Variants in ATAD5 observed in about 807,000 individuals in gnomAD.
ATAD5 encodes ATPase family AAA domain-containing protein 5.
A neutral mutation model predicts 176.9 loss-of-function variants in ATAD5; 58 were observed. The observed-to-expected ratio is 0.33, with a 90% confidence interval of 0.27 to 0.41. The LOEUF is 0.41. Ranked by LOEUF, ATAD5 falls within the 10% of genes least tolerant of loss-of-function variation. The pLI, the probability that ATAD5 is intolerant of heterozygous loss-of-function variation, is 1.00. For missense variants in ATAD5, 1,789 were observed against 2,094.1 expected, an observed-to-expected ratio of 0.85 and a Z score of 2.84; for synonymous variants, 640 against 712.6, an observed-to-expected ratio of 0.90 and a Z score of 1.62.
chr17:30,848,866 TTTTTC>T (rs1906695862), intron 6 of ATAD5, among the ~76,000 whole-genome samples: 1 of 152,176 alleles, frequency 6.6e-6, no homozygotes, highest in Admixed American at 6.6e-5. Flanking sequence ...ATTAGTTTTC[TTTTTC>T]TTTTCTTTTT....
At chr17:30,871,751 T>C (rs1056915805) in intron 14 of ATAD5, among the ~76,000 whole-genome samples, 7 of 152,212 alleles carry the variant, frequency 4.6e-5, no homozygotes, top group Non-Finnish European at 8.8e-5. Flanking sequence ...TAATTCTGAT[T>C]GCATGTCAGA....
In ATAD5 at chr17:30,835,915, A is replaced by G. The variant is rs1597949546; in HGVS notation, c.1834A>G (p.Ile612Val). 1 of 1,614,188 alleles carries G rather than the reference A, an allele frequency of 6.2e-7. No homozygotes were observed. The highest frequency in any genetic ancestry group is 2.2e-5 in the East Asian group (1 of 44,866). The change falls in exon 2 of 23, where the codon ATT (isoleucine) becomes GTT (valine). Residue 612 changes from isoleucine to valine, a missense_variant. Coordinates refer to ENST00000321990, the MANE Select transcript of ATAD5 (RefSeq NM_024857.5). ...ACCTACTACAGAAACCATTAGAGGT[A>G]TTGATTCTGACGATGTACAAGATAA... is the stretch of plus-strand genomic sequence containing the variant. ...STPTTETIRGIDSDDVQDNSQ... is the reference protein window; with the variant it reads ...STPTTETIRGVDSDDVQDNSQ...
intron 4 of ATAD5, among the ~76,000 whole-genome samples, chr17:30,842,885 A>G (rs1460313694): frequency 6.6e-6 from 1 of 152,032 alleles, no homozygotes; most frequent in Non-Finnish European, 1.5e-5. Flanking sequence ...CTGGGATTAC[A>G]GGCATGCACC....
chr17:30,872,343 T>G (rs1488187745), intron 14 of ATAD5, among the ~76,000 whole-genome samples: 1 of 152,154 alleles, frequency 6.6e-6, no homozygotes, highest in Non-Finnish European at 1.5e-5. Flanking sequence ...TGTTTGCCAG[T>G]CTACCTGATG....
Position 30,857,931 on chromosome 17 carries a change from G to A in ATAD5, c.2794-230G>A, listed in dbSNP as rs549873751. 2.0e-5 allele frequency among the ~76,000 whole-genome samples: 3 copies of A among 152,126 alleles called. No individual in the cohort carries two copies. In the South Asian group the frequency reaches 6.2e-4, roughly 32 times the overall value. On this transcript the variant is annotated intron_variant, in intron 8 of 22. Transcript: ENST00000321990. ...AAATTTTTGTATTTTTAGTAGACAC[G>A]GGGTTTTGCCATGTTGGCTAGGCTG... is the stretch of plus-strand genomic sequence containing the variant.
chr17:30,850,820 TATTTATATATTTTTATATATA>T (rs1567683416), intron 6 of ATAD5, among the ~76,000 whole-genome samples: 4 of 76,792 alleles, frequency 5.2e-5, no homozygotes, highest in African/African-American at 2.8e-4. Context: ...TTATTATTTA[TATTTATATATTTTTATATATA>T]TATATATATA....
At chr17:30,845,041 T>C (rs1597958908) in intron 6 of ATAD5, 125 bp downstream of exon 6, 2 of 824,402 alleles carry the variant, frequency 2.4e-6, no homozygotes, top group Non-Finnish European at 1.8e-6. Context: ...AGTTTCAAAG[T>C]TGACAATATT....
chr17:30,890,865 T>C (rs1909601799), intron 19 of ATAD5, among the ~76,000 whole-genome samples: 1 of 151,860 alleles, frequency 6.6e-6, no homozygotes. Flanking sequence ...TAAAGATACA[T>C]ACTTATTTAG....
At chr17:30,838,245 T>C (rs1423082003) in intron 3 of ATAD5, among the ~76,000 whole-genome samples, 1 of 152,220 alleles carries the variant, frequency 6.6e-6, no homozygotes, top group Non-Finnish European at 1.5e-5. Context: ...GTCCCCACCA[T>C]GGCAGAATTG....
chr17:30,879,347 A>C (rs117202596), intron 17 of ATAD5, 76 bp from the exon 18 acceptor site: 35,886 of 1,514,038 alleles, frequency 0.024, 541 homozygotes, highest in Non-Finnish European at 0.028. Context: ...TTCATAGAAA[A>C]GTATAACTTG....
chr17:30,892,885 TG>T, intron 20 of ATAD5, 97 bp downstream of exon 20: 1 of 1,095,992 alleles, frequency 9.1e-7, no homozygotes, highest in Admixed American at 2.6e-5. Flanking sequence ...TTAACTTAAA[TG>T]TGCCTATAAT....
At chr17:30,892,052 TCA>T (rs1909665376) in intron 19 of ATAD5, among the ~76,000 whole-genome samples, 2 of 152,114 alleles carry the variant, frequency 1.3e-5, no homozygotes, top group Non-Finnish European at 2.9e-5. Flanking sequence ...ACTTGCCTGC[TCA>T]CAGTCCTTGC....
intron 6 of ATAD5, among the ~76,000 whole-genome samples, chr17:30,850,869 A>ATATATATAT (rs1555554637): frequency 6.8e-5 from 1 of 14,780 alleles, no homozygotes; most frequent in Non-Finnish European, 1.2e-4. Context: ...ATATATATAT[A>ATATATATAT]TTTTTTTTTT....
chr17:30,857,662 A>G (rs1025077315), intron 8 of ATAD5, among the ~76,000 whole-genome samples: 3 of 152,188 alleles, frequency 2.0e-5, no homozygotes, highest in Admixed American at 6.6e-5. Context: ...AGTAGGTCAT[A>G]TAATCTAATA....
At chr17:30,869,677 G>A in intron 14 of ATAD5, 31 bp downstream of exon 14, 1 of 1,550,942 alleles carries the variant, frequency 6.4e-7, no homozygotes. Flanking sequence ...AAGCCATAAT[G>A]TTTTGAAAAA....
At chr17:30,860,335 T>A (rs1907551789) in intron 9 of ATAD5, 98 bp from the exon 10 acceptor site, 1 of 1,399,414 alleles carries the variant, frequency 7.1e-7, no homozygotes, top group African/African-American at 1.5e-5. Context: ...GCCTTTGCAT[T>A]TTAAAGTTAC....
intron 6 of ATAD5, among the ~76,000 whole-genome samples, chr17:30,850,870 T>TATATATA (rs71142003): frequency 1.6e-3 from 20 of 12,230 alleles, no homozygotes; most frequent in East Asian, 6.7e-3. Context: ...TATATATATA[T>TATATATA]TTTTTTTTTT....
intron 6 of ATAD5, among the ~76,000 whole-genome samples, chr17:30,850,817 TTATATTTATATATTTTTATATATATATA>T (rs1395907599): frequency 6.2e-5 from 6 of 96,214 alleles, no homozygotes; most frequent in African/African-American, 2.8e-4. Context: ...AAATTATTAT[TTATATTTATATATTTTTATATATATATA>T]TATATATATA....
intron 14 of ATAD5, among the ~76,000 whole-genome samples, chr17:30,873,300 T>C (rs1476645047): frequency 6.6e-6 from 1 of 152,022 alleles, no homozygotes; most frequent in Non-Finnish European, 1.5e-5. Flanking sequence ...GGTAGTTCTT[T>C]TGGTGTGAAA....
Sources: allele counts gnomAD v4.1 joint callset (sites outside exome capture counted in the v4.1 genomes callset), GRCh38; gene constraint gnomAD v4.1.1; transcripts MANE v1.5; gene names NCBI Gene and HGNC (gene_info 2026-07-23, HGNC 2026-07-21).